The following METTL15 variants were observed in gnomAD, a reference collection of about 807,000 sequenced individuals.
The protein encoded by METTL15 is 12S rRNA N(4)-cytidine methyltransferase METTL15.
METTL15 carries 34 observed loss-of-function variants against 38.3 expected under a neutral mutation model. That is an observed-to-expected ratio of 0.89 (90% CI 0.68 to 1.18). The LOEUF is 1.18. Ranked by LOEUF, METTL15 falls within the 50% of genes most tolerant of loss-of-function variation. The probability of loss-of-function intolerance (pLI) is 0.00; values close to 1 mark genes in which losing one functional copy is unlikely to be tolerated. For synonymous variants in METTL15, 162 were observed against 170.9 expected (o/e 0.95, Z 0.41); for missense variants, 438 against 498.4 (o/e 0.88, Z 1.15).
Position 28,305,937 on chromosome 11 carries a change from T to G in METTL15, c.778+9006T>G, listed in dbSNP as rs1857069253. 2.0e-5 allele frequency among the ~76,000 whole-genome samples: 3 copies of G among 151,972 alleles called. No individual in the cohort carries two copies. The South Asian group carries it at 6.2e-4, about 32-fold the overall frequency. On this transcript the variant is annotated intron_variant, in intron 6 of 6. Coordinates refer to ENST00000407364, the MANE Select transcript of METTL15 (RefSeq NM_001113528.2). ...AGACATGAAAAGATGAATGAACAAA[T>G]AAATGAAGAAATAGGTGGGATTTCA... is the stretch of plus-strand genomic sequence containing the variant.
intron 4 of METTL15, among the ~76,000 whole-genome samples, chr11:28,354,038 T>C (rs902909073): frequency 6.6e-6 from 1 of 151,788 alleles, no homozygotes; most frequent in South Asian, 2.1e-4. Flanking sequence ...AGAGAGAAGC[T>C]GGACATATCT....
chr11:28,443,994 A>G (rs1851055815), intron 6 of METTL15, among the ~76,000 whole-genome samples: 2 of 152,178 alleles, frequency 1.3e-5, no homozygotes, highest in African/African-American at 4.8e-5. Flanking sequence ...TTTTCACTCA[A>G]TTCCATGTGA....
chr11:28,197,469 C>T, intron 3 of METTL15: 1 of 445,790 alleles, frequency 2.2e-6, no homozygotes, highest in Non-Finnish European at 4.7e-6. Context: ...GTCTTATTTG[C>T]ATATCCCAAT....
intron 5 of METTL15, among the ~76,000 whole-genome samples, chr11:28,423,585 T>G (rs1850839606): frequency 6.6e-6 from 1 of 152,062 alleles, no homozygotes; most frequent in African/African-American, 2.4e-5. Flanking sequence ...TTATGTTAAG[T>G]GAAATAATCC....
At chr11:28,451,267 A>G in intron 6 of METTL15, among the ~76,000 whole-genome samples, 1 of 152,040 alleles carries the variant, frequency 6.6e-6, no homozygotes. Context: ...AACAGGAGAG[A>G]AAAGGAAAGG....
intron 6 of METTL15, among the ~76,000 whole-genome samples, chr11:28,315,168 G>C (rs1002043854): frequency 1.3e-5 from 2 of 152,204 alleles, no homozygotes; most frequent in African/African-American, 4.8e-5. Context: ...CTCAGAAGAA[G>C]ACAGGAAAAT....
In METTL15 at chr11:28,378,304, C is replaced by T. The variant is rs577732834; in HGVS notation, c.*358+16268C>T. The stretch of plus-strand genomic sequence containing the variant: ...CTCAGACTGCTGTGCTAGCAATCAG[C>T]GATACTCCGTGGGGTAGGACCCTCT... On this transcript the variant is annotated intron_variant and NMD_transcript_variant, in intron 5 of 7. Coordinates refer to the METTL15 transcript ENST00000532947. Among the ~76,000 whole-genome samples, 153 of 152,282 alleles carry T rather than the reference C, an allele frequency of 1.0e-3. 2 individuals are homozygous for T. Among genetic ancestry groups the T allele is most frequent in the South Asian group, 1.7e-3 (8 of 4,816 alleles).
intron 4 of METTL15, among the ~76,000 whole-genome samples, chr11:28,216,889 A>G (rs1852905792): frequency 8.7e-6 from 1 of 115,336 alleles, no homozygotes; most frequent in Admixed American, 9.8e-5. Context: ...AAGGACATGA[A>G]CTCATCTTTT....
At chr11:28,343,945 A>C (rs2133356419) in intron 3 of METTL15, among the ~76,000 whole-genome samples, 1 of 152,330 alleles carries the variant, frequency 6.6e-6, no homozygotes, top group South Asian at 2.1e-4. Context: ...CCAAAGAAAT[A>C]AAGAAATGAA....
intron 2 of METTL15, 77 bp from the exon 3 acceptor site, chr11:28,113,241 A>G (rs1021903823): frequency 2.0e-6 from 2 of 985,700 alleles, no homozygotes; most frequent in South Asian, 1.8e-5. Context: ...AATATTGCAT[A>G]TTAATTTGAT....
intron 6 of METTL15, among the ~76,000 whole-genome samples, chr11:28,462,479 TACACACACACACAC>T (rs10573384): frequency 0.4 from 59,240 of 146,358 alleles, 13,372 homozygotes; most frequent in Admixed American, 0.52. Flanking sequence ...CATACACGCT[TACACACACACACAC>T]ACACACACAC....
At chr11:28,200,158 T>A (rs1315774188) in intron 3 of METTL15, among the ~76,000 whole-genome samples, 2 of 152,182 alleles carry the variant, frequency 1.3e-5, no homozygotes, top group Admixed American at 1.3e-4. Flanking sequence ...TTTATTCTAC[T>A]TCTGTGAAAA....
chr11:28,286,122 T>A (rs1447213223), intron 4 of METTL15, among the ~76,000 whole-genome samples: 1 of 152,150 alleles, frequency 6.6e-6, no homozygotes, highest in Non-Finnish European at 1.5e-5. Context: ...GTCTGACATA[T>A]GTGAAATCTG....
intron 4 of METTL15, chr11:28,287,460 G>C: frequency 2.4e-6 from 1 of 417,072 alleles, no homozygotes; most frequent in South Asian, 1.8e-5. Flanking sequence ...TCCTAGCAAT[G>C]TGATCATCAG....
At chr11:28,157,048 T>G (rs1310181966) in intron 3 of METTL15, among the ~76,000 whole-genome samples, 1 of 152,248 alleles carries the variant, frequency 6.6e-6, no homozygotes, top group Non-Finnish European at 1.5e-5. Context: ...TTATGATTCT[T>G]ACTTGCAGGC....
chr11:28,410,405 A>G (rs1326622123), intron 5 of METTL15, among the ~76,000 whole-genome samples: 1 of 152,156 alleles, frequency 6.6e-6, no homozygotes, highest in East Asian at 1.9e-4. Context: ...TCAACAACAC[A>G]TCAAAGAGAC....
chr11:28,186,318 G>A (rs1005217552), intron 3 of METTL15, among the ~76,000 whole-genome samples: 4 of 151,082 alleles, frequency 2.6e-5, no homozygotes, highest in Admixed American at 6.6e-5. Flanking sequence ...CCTATATAAT[G>A]GGATTTTGTG....
intron 4 of METTL15, among the ~76,000 whole-genome samples, chr11:28,228,873 G>A (rs975394743): frequency 2.0e-5 from 3 of 151,700 alleles, no homozygotes; most frequent in Non-Finnish European, 4.4e-5. Flanking sequence ...ATTTCTAGCT[G>A]GTTCCTCCCT....
Position 28,425,300 on chromosome 11 carries a change from G to A in METTL15, c.*424+936G>A, listed in dbSNP as rs138216790. 2.6e-5 allele frequency among the ~76,000 whole-genome samples: 4 copies of A among 152,134 alleles called. 1 individual carries two copies. In the South Asian group the frequency reaches 8.3e-4, roughly 32 times the overall value. On this transcript the variant is annotated intron_variant and NMD_transcript_variant, in intron 6 of 7. Coordinates refer to the METTL15 transcript ENST00000532947. ...AAAATATGCATCTGGTCATATTACT[G>A]CCTTCTTTAAATCCTTTCCTAGTTT...
Sources: allele counts gnomAD v4.1 joint callset (sites outside exome capture counted in the v4.1 genomes callset), GRCh38; gene constraint gnomAD v4.1.1; transcripts MANE v1.5; gene names NCBI Gene and HGNC (gene_info 2026-07-23, HGNC 2026-07-21).